Variants in B3GALT1 observed in about 807,000 individuals in gnomAD.
B3GALT1 encodes the protein beta-1,3-galactosyltransferase 1, also known as UDP-Gal:betaGlcNAc beta 1,3-galactosyltransferase, polypeptide 1.
Under a neutral mutation model 23.2 loss-of-function variants are expected in B3GALT1, and 10 were observed. The observed-to-expected ratio is 0.43, with a 90% CI of 0.27 to 0.73. B3GALT1 has a LOEUF of 0.73. B3GALT1 is among the 30% of genes least tolerant of loss of function. The probability of loss-of-function intolerance (pLI) is 0.21; values close to 1 mark genes in which losing one functional copy is unlikely to be tolerated. For synonymous variants in B3GALT1, 156 were observed against 141.5 expected (o/e 1.10, Z -0.73); for missense variants, 299 against 405.4 (o/e 0.74, Z 2.25).
At chr2:167,679,776 T>C (rs1001507225) in intron 3 of B3GALT1, among the ~76,000 whole-genome samples, 7 of 152,250 alleles carry the variant, frequency 4.6e-5, no homozygotes, top group Non-Finnish European at 1.5e-5. Context: ...CCTCAGCATC[T>C]TCAAAACACT....
At chr2:167,858,894 T>C (rs1179532246) in intron 4 of B3GALT1, among the ~76,000 whole-genome samples, 2 of 152,188 alleles carry the variant, frequency 1.3e-5, no homozygotes, top group Non-Finnish European at 2.9e-5. Flanking sequence ...ACTACCTCTC[T>C]GTGGTGAGCT....
chr2:167,549,495 G>A (rs1285202099), intron 2 of B3GALT1, among the ~76,000 whole-genome samples: 2 of 152,094 alleles, frequency 1.3e-5, no homozygotes, highest in African/African-American at 2.4e-5. Context: ...TCATTAATAC[G>A]GCATTTCCCT....
intron 1 of B3GALT1, among the ~76,000 whole-genome samples, chr2:167,387,986 CAAAACTTGAATAAAAATAT>C (rs1697952560): frequency 6.6e-6 from 1 of 152,110 alleles, no homozygotes; most frequent in Non-Finnish European, 1.5e-5. Flanking sequence ...TCCTAAAGAT[CAAAACTTGAATAAAAATAT>C]AAAACAAATA....
chr2:167,739,064 C>T (rs187695470), intron 3 of B3GALT1, among the ~76,000 whole-genome samples: 50 of 152,288 alleles, frequency 3.3e-4, no homozygotes, highest in African/African-American at 1.1e-3. Context: ...TATTCCATTC[C>T]CTCTGCCCCT....
intron 2 of B3GALT1, among the ~76,000 whole-genome samples, chr2:167,492,337 A>G (rs1030152154): frequency 3.3e-5 from 5 of 152,206 alleles, no homozygotes; most frequent in Non-Finnish European, 7.3e-5. Context: ...TCACTGAATA[A>G]TATTTCATTG....
intron 3 of B3GALT1, among the ~76,000 whole-genome samples, chr2:167,756,865 C>T (rs1033930785): frequency 2.3e-4 from 35 of 152,192 alleles, no homozygotes; most frequent in African/African-American, 8.2e-4. Flanking sequence ...AGAAGCTGAA[C>T]ACTCATCTGG....
intron 2 of B3GALT1, among the ~76,000 whole-genome samples, chr2:167,568,278 A>G (rs550835956): frequency 6.6e-6 from 1 of 152,170 alleles, no homozygotes; most frequent in East Asian, 1.9e-4. Flanking sequence ...CATTGTTTGT[A>G]TGGTAAGTTA....
intron 1 of B3GALT1, among the ~76,000 whole-genome samples, chr2:167,453,603 T>G (rs1374578063): frequency 6.6e-6 from 1 of 152,232 alleles, no homozygotes; most frequent in Non-Finnish European, 1.5e-5. Flanking sequence ...AAGTGTTCAA[T>G]GTAAAAGGGA....
intron 3 of B3GALT1, among the ~76,000 whole-genome samples, chr2:167,750,208 T>C (rs1191913345): frequency 1.3e-5 from 2 of 152,236 alleles, no homozygotes; most frequent in Non-Finnish European, 2.9e-5. Flanking sequence ...GTGATGTAGA[T>C]ATTTATAAGC....
intron 3 of B3GALT1, among the ~76,000 whole-genome samples, chr2:167,805,210 G>T (rs543796377): frequency 6.6e-6 from 1 of 152,136 alleles, no homozygotes; most frequent in Non-Finnish European, 1.5e-5. Context: ...TGAGTTCATT[G>T]TAGATTCTGG....
intron 2 of B3GALT1, among the ~76,000 whole-genome samples, chr2:167,545,221 G>A (rs972746433): frequency 6.6e-6 from 1 of 151,626 alleles, no homozygotes; most frequent in East Asian, 2.0e-4. Context: ...ATTTTTAGTA[G>A]AGACAGGGTT....
At chr2:167,512,966 T>A (rs1306990012) in intron 2 of B3GALT1, among the ~76,000 whole-genome samples, 1 of 147,978 alleles carries the variant, frequency 6.8e-6, no homozygotes. Flanking sequence ...TATATATTAT[T>A]TGTGTAAATA....
chr2:167,703,663 G>A (rs1356562314), intron 3 of B3GALT1, among the ~76,000 whole-genome samples: 2 of 152,134 alleles, frequency 1.3e-5, no homozygotes, highest in African/African-American at 2.4e-5. Flanking sequence ...TCACTTTTCC[G>A]CTAAGTGACT....
chr2:167,770,759 G>A (rs983487131), intron 3 of B3GALT1, among the ~76,000 whole-genome samples: 19 of 152,014 alleles, frequency 1.2e-4, no homozygotes, highest in African/African-American at 4.1e-4. Flanking sequence ...TCATATCAGT[G>A]TCCTATTTTA....
At chr2:167,697,549 G>A (rs1263259906) in intron 3 of B3GALT1, among the ~76,000 whole-genome samples, 2 of 152,198 alleles carry the variant, frequency 1.3e-5, no homozygotes, top group Admixed American at 6.5e-5. Flanking sequence ...GAGTTTGTCA[G>A]TGAGTCCTAG....
Position 167,869,366 on chromosome 2 carries a change from G to A in B3GALT1, c.327G>A (p.Gly109=). 1.2e-6 allele frequency: 2 copies of A among 1,614,082 alleles called. No individual in the cohort carries two copies. Among genetic ancestry groups the A allele is most frequent in the Non-Finnish European group, 1.7e-6 (2 of 1,180,016 alleles). The change falls in exon 5 of 5, where the codon GGG becomes GGA. Residue 109 remains glycine (G), a synonymous_variant. Transcript: ENST00000392690. This position sits in a 1 kb window ranked among gnomAD's most constrained non-coding sequence, Gnocchi z 6.4. ...ETWGDENNFK[G]IKIATLFLLG... ...GGGGGGATGAGAACAACTTTAAGGG[G>A]ATCAAGATAGCCACCCTGTTCCTCC...
intron 4 of B3GALT1, among the ~76,000 whole-genome samples, chr2:167,856,760 C>T (rs1690007356): frequency 6.6e-6 from 1 of 152,136 alleles, no homozygotes; most frequent in Non-Finnish European, 1.5e-5. Flanking sequence ...GGAGAGAGTG[C>T]CCAGTTAAGG....
chr2:167,350,303 G>A (rs1244170232), intron 1 of B3GALT1, among the ~76,000 whole-genome samples: 7 of 152,176 alleles, frequency 4.6e-5, no homozygotes, highest in Non-Finnish European at 8.8e-5. Context: ...CCTACCCTGT[G>A]TGTTACTGAG....
chr2:167,381,598 G>A (rs554181918), intron 1 of B3GALT1, among the ~76,000 whole-genome samples: 2 of 152,256 alleles, frequency 1.3e-5, no homozygotes, highest in South Asian at 2.1e-4. Context: ...AAGGGCCAAT[G>A]ATCTAAGTGA....
Sources: gnomAD v4.1 joint callset for allele counts (sites outside exome capture counted in the v4.1 genomes callset) on GRCh38, gnomAD v4.1.1 for gene constraint, Gnocchi (gnomAD v3.1) non-coding constraint, MANE v1.5 for transcripts, NCBI Gene and HGNC (gene_info 2026-07-23, HGNC 2026-07-21) for gene names.